Variants in RSPO2 observed in about 807,000 individuals in gnomAD.
RSPO2 encodes the protein R-spondin 2.
A neutral mutation model predicts 30.9 loss-of-function variants in RSPO2; 14 were observed. That is an observed-to-expected ratio of 0.45 (90% CI 0.30 to 0.71). The LOEUF (loss-of-function observed/expected upper bound fraction) is 0.71, where lower values mean the gene tolerates loss of function less well. Among genes scored for constraint, RSPO2 ranks in the 30% least tolerant of loss-of-function variants. RSPO2 has a pLI of 0.08. For synonymous variants in RSPO2, 107 were observed against 96.4 expected, an observed-to-expected ratio of 1.11 and a Z score of -0.64; for missense variants, 264 against 301.9, an observed-to-expected ratio of 0.87 and a Z score of 0.93.
At chr8:108,039,805 C>T (rs1811698768) in intron 2 of RSPO2, among the ~76,000 whole-genome samples, 2 of 152,138 alleles carry the variant, frequency 1.3e-5, no homozygotes, top group South Asian at 4.1e-4. Context: ...AAGACCTAAC[C>T]CCGAATGTGA....
chr8:107,992,536 C>T (rs1814882444), intron 2 of RSPO2, among the ~76,000 whole-genome samples: 1 of 152,086 alleles, frequency 6.6e-6, no homozygotes, highest in African/African-American at 2.4e-5. Context: ...CAAACCTGCA[C>T]TTGTACCCGT....
intron 5 of RSPO2, among the ~76,000 whole-genome samples, chr8:107,910,236 AAAAC>A (rs1293174476): frequency 1.3e-5 from 2 of 152,268 alleles, no homozygotes; most frequent in Non-Finnish European, 2.9e-5. Flanking sequence ...AACTAAATGA[AAAAC>A]AAAAAGTAGT....
intron 5 of RSPO2, among the ~76,000 whole-genome samples, chr8:107,904,146 A>C (rs1010963654): frequency 6.6e-6 from 1 of 152,020 alleles, no homozygotes; most frequent in Non-Finnish European, 1.5e-5. Context: ...GTTTCTGCTT[A>C]ATTTCTTTAC....
chr8:108,064,723 C>T (rs906821541), intron 2 of RSPO2, among the ~76,000 whole-genome samples: 1 of 152,082 alleles, frequency 6.6e-6, no homozygotes, highest in East Asian at 1.9e-4. Flanking sequence ...CACATGCACA[C>T]GTATGTTTAT....
intron 2 of RSPO2, among the ~76,000 whole-genome samples, chr8:108,048,583 C>G (rs1055578391): frequency 1.3e-5 from 2 of 151,858 alleles, no homozygotes; most frequent in Non-Finnish European, 2.9e-5. Flanking sequence ...GTCTTGTTAG[C>G]GGTCTATCAA....
At chr8:107,980,169 T>C (rs1308226756) in intron 3 of RSPO2, among the ~76,000 whole-genome samples, 1 of 152,130 alleles carries the variant, frequency 6.6e-6, no homozygotes, top group Non-Finnish European at 1.5e-5. Flanking sequence ...GCCCCATGGG[T>C]TCCCTGAGCA....
intron 3 of RSPO2, among the ~76,000 whole-genome samples, chr8:107,980,891 T>G (rs997953531): frequency 6.6e-6 from 1 of 152,234 alleles, no homozygotes; most frequent in Non-Finnish European, 1.5e-5. Context: ...CCACTTTATG[T>G]AATGATGCTA....
At chr8:107,911,505 A>T (rs1811827347) in intron 5 of RSPO2, among the ~76,000 whole-genome samples, 1 of 152,182 alleles carries the variant, frequency 6.6e-6, no homozygotes, top group South Asian at 2.1e-4. Flanking sequence ...AGTTTTCTCA[A>T]TTCTAAACTG....
chr8:108,026,221 T>C (rs1377191745), intron 2 of RSPO2, among the ~76,000 whole-genome samples: 1 of 152,192 alleles, frequency 6.6e-6, no homozygotes, highest in Non-Finnish European at 1.5e-5. Flanking sequence ...GCCAGGATTC[T>C]TCAAATGTCA....
chr8:108,003,295 ATATATATATATATATATTTTTTTTTTTTT>A lies in RSPO2; in HGVS notation c.95-14080_95-14052del, dbSNP rs1477711979. Among the ~76,000 whole-genome samples, 177 of 27,438 alleles carry A rather than the reference ATATATATATATATATATTTTTTTTTTTTT, an allele frequency of 6.5e-3. 1 individual carries two copies. The highest frequency in any genetic ancestry group is 0.052 in the South Asian group (31 of 600). The allele number at this position is 27,438 out of a possible 152,430, so 18.0% of individuals were successfully genotyped here. On this transcript the variant is annotated intron_variant, in intron 2 of 5. Transcript: ENST00000276659. ...TGTGTGTGTATATATATATATATAT[ATATATATATATATATATTTTTTTTTTTTT>A]TTTTTTTTTTTTTAAGTAGAGACGG...
chr8:108,055,084 G>A (rs1812201909), intron 2 of RSPO2, among the ~76,000 whole-genome samples: 1 of 152,144 alleles, frequency 6.6e-6, no homozygotes, highest in African/African-American at 2.4e-5. Flanking sequence ...TCGCACCACT[G>A]CACTCCAGCC....
intron 4 of RSPO2, 138 bp from the exon 5 acceptor site, chr8:107,958,406 C>A (rs1387079290): frequency 4.7e-6 from 3 of 637,752 alleles, no homozygotes; most frequent in Non-Finnish European, 8.2e-6. Context: ...AGTGGTACAG[C>A]CTTGAAGACC....
At chr8:107,979,783 C>A (rs1207270587) in intron 3 of RSPO2, among the ~76,000 whole-genome samples, 2 of 152,140 alleles carry the variant, frequency 1.3e-5, no homozygotes, top group African/African-American at 4.8e-5. Flanking sequence ...TCTCTTGAAT[C>A]TGTCTCTTCC....
At chr8:108,060,793 G>C (rs146982501) in intron 2 of RSPO2, among the ~76,000 whole-genome samples, 7,878 of 151,804 alleles carry the variant, frequency 0.052, 353 homozygotes, top group South Asian at 0.14. Flanking sequence ...AGAAAGGTCG[G>C]GTTACCCTCA....
At chr8:108,038,672 C>T (rs553206256) in intron 2 of RSPO2, among the ~76,000 whole-genome samples, 1 of 152,178 alleles carries the variant, frequency 6.6e-6, no homozygotes, top group South Asian at 2.1e-4. Flanking sequence ...CCACACTGAT[C>T]AGTCAGCTGC....
intron 2 of RSPO2, among the ~76,000 whole-genome samples, chr8:108,051,672 T>G (rs1427545073): frequency 1.3e-5 from 2 of 152,130 alleles, no homozygotes; most frequent in Non-Finnish European, 2.9e-5. Flanking sequence ...CAGTGAATAT[T>G]CAGAAACAGG....
At chr8:108,022,003 C>T (rs565814228) in intron 2 of RSPO2, among the ~76,000 whole-genome samples, 30 of 152,174 alleles carry the variant, frequency 2.0e-4, no homozygotes, top group Non-Finnish European at 4.0e-4. Flanking sequence ...AGAGGAACTG[C>T]CATCCATGAT....
chr8:107,943,502 GC>G (rs1179110536), intron 5 of RSPO2, among the ~76,000 whole-genome samples: 1 of 152,146 alleles, frequency 6.6e-6, no homozygotes, highest in Non-Finnish European at 1.5e-5. Context: ...TTATAGTTTT[GC>G]AACTAGACAT....
At chr8:108,003,311 ATTT>A (rs869040336) in intron 2 of RSPO2, among the ~76,000 whole-genome samples, 2,619 of 27,054 alleles carry the variant, frequency 0.097, 14 homozygotes, top group Admixed American at 0.14. Flanking sequence ...ATATATATAT[ATTT>A]TTTTTTTTTT....
Sources: gnomAD v4.1 joint callset for allele counts (sites outside exome capture counted in the v4.1 genomes callset) on GRCh38, gnomAD v4.1.1 for gene constraint, MANE v1.5 for transcripts, NCBI Gene and HGNC (gene_info 2026-07-23, HGNC 2026-07-21) for gene names.